The following SMYD3 variants were observed in gnomAD, a reference collection of about 807,000 sequenced individuals.
SMYD3 encodes the protein SET and MYND domain containing 3.
A neutral mutation model predicts 57.7 loss-of-function variants in SMYD3; 36 were observed. That is an observed-to-expected ratio of 0.62 (90% CI 0.48 to 0.82). SMYD3 has a LOEUF of 0.82. Among genes scored for constraint, SMYD3 ranks in the 40% least tolerant of loss-of-function variants. The probability of loss-of-function intolerance (pLI) is 0.00; values close to 1 mark genes in which losing one functional copy is unlikely to be tolerated. For missense variants in SMYD3, 515 were observed against 538.8 expected (o/e 0.96, Z 0.44); for synonymous variants, 211 against 195.0 (o/e 1.08, Z -0.68).
At chr1:245,941,380 TTGAAA>T (rs2057238530) in intron 5 of SMYD3, among the ~76,000 whole-genome samples, 1 of 151,840 alleles carries the variant, frequency 6.6e-6, no homozygotes, top group South Asian at 2.1e-4. Flanking sequence ...TTCTCCATGG[TTGAAA>T]TGAAAGAAAA....
At chr1:246,164,838 A>G (rs1438188123) in intron 5 of SMYD3, among the ~76,000 whole-genome samples, 1 of 152,240 alleles carries the variant, frequency 6.6e-6, no homozygotes, top group African/African-American at 2.4e-5. Context: ...CCGTTCATTT[A>G]CTTAACATAG....
intron 8 of SMYD3, among the ~76,000 whole-genome samples, chr1:245,888,153 G>A (rs1396362951): frequency 6.6e-6 from 1 of 152,184 alleles, no homozygotes; most frequent in African/African-American, 2.4e-5. Context: ...ACCTGTCATG[G>A]AGTCTCACCC....
At chr1:246,098,333 G>A (rs2060950470) in intron 5 of SMYD3, among the ~76,000 whole-genome samples, 1 of 152,164 alleles carries the variant, frequency 6.6e-6, no homozygotes, top group Non-Finnish European at 1.5e-5. Flanking sequence ...CTGCGGGAAT[G>A]ACATGAGTTT....
At chr1:246,453,848 C>T (rs769232273) in intron 1 of SMYD3, among the ~76,000 whole-genome samples, 3 of 152,160 alleles carry the variant, frequency 2.0e-5, no homozygotes, top group East Asian at 1.9e-4. Context: ...TACAGAAACA[C>T]TTTTCTGCAA....
intron 5 of SMYD3, among the ~76,000 whole-genome samples, chr1:245,941,974 G>T (rs926738378): frequency 1.3e-5 from 2 of 152,112 alleles, no homozygotes; most frequent in Admixed American, 6.6e-5. Flanking sequence ...AGCTCCTAAA[G>T]GAAGCACTAA....
chr1:246,255,931 T>TAGAC (rs2063879426), intron 5 of SMYD3, among the ~76,000 whole-genome samples: 1 of 89,940 alleles, frequency 1.1e-5, no homozygotes, highest in Non-Finnish European at 2.7e-5. Context: ...ACTAATAAGA[T>TAGAC]AGATAGATAG....
intron 1 of SMYD3, among the ~76,000 whole-genome samples, chr1:246,436,252 G>A (rs994979290): frequency 6.7e-6 from 1 of 149,384 alleles, no homozygotes; most frequent in Non-Finnish European, 1.5e-5. Flanking sequence ...CTTCCTTCAT[G>A]GAAACATGGA....
At chr1:246,152,714 T>C (rs1442347653) in intron 5 of SMYD3, among the ~76,000 whole-genome samples, 2 of 152,208 alleles carry the variant, frequency 1.3e-5, no homozygotes, top group East Asian at 1.9e-4. Flanking sequence ...TGTGTCCTTA[T>C]AGAAATAAAT....
chr1:246,039,790 A>G (rs1194986589), intron 5 of SMYD3, among the ~76,000 whole-genome samples: 2 of 152,186 alleles, frequency 1.3e-5, no homozygotes, highest in Non-Finnish European at 2.9e-5. Context: ...TCATGCTGTA[A>G]TGGAGCCAAG....
At chr1:245,933,909 T>C (rs1323878634) in intron 5 of SMYD3, among the ~76,000 whole-genome samples, 1 of 152,156 alleles carries the variant, frequency 6.6e-6, no homozygotes, top group Non-Finnish European at 1.5e-5. Flanking sequence ...GCTGAGTAAT[T>C]CTACACCATA....
At chr1:246,445,762 T>C (rs1356436604) in intron 1 of SMYD3, among the ~76,000 whole-genome samples, 2 of 151,838 alleles carry the variant, frequency 1.3e-5, no homozygotes, top group African/African-American at 4.8e-5. Context: ...GATAAGAAAT[T>C]AATGTGCCTG....
At chr1:245,773,022 T>C (rs1422183039) in intron 10 of SMYD3, among the ~76,000 whole-genome samples, 3 of 147,936 alleles carry the variant, frequency 2.0e-5, no homozygotes, top group African/African-American at 7.5e-5. Context: ...AAATGTATGG[T>C]AATTAGTGGA....
At position 245,956,494 on chromosome 1, in the gene SMYD3, C is replaced by T. The variant is rs186070016; in HGVS notation, c.532-26557G>A. On this transcript the variant is annotated intron_variant, in intron 5 of 11. Coordinates refer to ENST00000490107, the MANE Select transcript of SMYD3 (RefSeq NM_001167740.2). ...TGACGTGTTGGGTGCCTACCCCTAG[C>T]GAGGCAGGCAGAGCATTATTTTTTA... 2.4e-4 allele frequency among the ~76,000 whole-genome samples: 37 copies of T among 152,314 alleles called. 1 individual carries two copies. Among genetic ancestry groups the T allele is most frequent in the African/African-American group, 7.5e-4 (31 of 41,576 alleles).
chr1:245,883,318 C>T (rs570574276), intron 8 of SMYD3, among the ~76,000 whole-genome samples: 16 of 152,116 alleles, frequency 1.1e-4, no homozygotes, highest in Non-Finnish European at 2.2e-4. Flanking sequence ...AGCACAAAGA[C>T]GGAAGACATA....
At chr1:245,774,530 T>C (rs1007583508) in intron 10 of SMYD3, among the ~76,000 whole-genome samples, 1 of 152,210 alleles carries the variant, frequency 6.6e-6, no homozygotes. Context: ...CTGATGATGA[T>C]GAAAATCTTC....
intron 5 of SMYD3, among the ~76,000 whole-genome samples, chr1:246,278,242 G>GA (rs35112531): frequency 0.27 from 38,650 of 143,448 alleles, 5,461 homozygotes; most frequent in Middle Eastern, 0.42. Context: ...CTCTGTTTAA[G>GA]AAAAAAAAAA....
intron 7 of SMYD3, among the ~76,000 whole-genome samples, chr1:245,917,579 G>A (rs748082069): frequency 5.3e-5 from 8 of 151,998 alleles, no homozygotes; most frequent in Admixed American, 6.6e-5. Context: ...CTTCTGCCCC[G>A]TTTACTATGA....
intron 10 of SMYD3, among the ~76,000 whole-genome samples, chr1:245,846,800 C>G (rs1558415729): frequency 6.6e-6 from 1 of 152,210 alleles, no homozygotes; most frequent in Non-Finnish European, 1.5e-5. Flanking sequence ...CAATAGCTGG[C>G]AGATGCTTTT....
At chr1:246,283,257 C>T (rs1241541130) in intron 5 of SMYD3, among the ~76,000 whole-genome samples, 1 of 152,222 alleles carries the variant, frequency 6.6e-6, no homozygotes, top group Non-Finnish European at 1.5e-5. Flanking sequence ...GAGATAATAA[C>T]ATTGCCAAGA....
Sources: allele counts gnomAD v4.1 joint callset (sites outside exome capture counted in the v4.1 genomes callset), GRCh38; gene constraint gnomAD v4.1.1; transcripts MANE v1.5; gene names NCBI Gene and HGNC (gene_info 2026-07-23, HGNC 2026-07-21).